Variants in TMPRSS15 observed in about 807,000 individuals in gnomAD.
TMPRSS15 encodes the protein enteropeptidase.
In TMPRSS15, 128 loss-of-function variants were observed where a neutral mutation model predicts 125.3. The ratio of observed to expected loss-of-function variants is 1.02; its 90% CI spans 0.89 to 1.18. TMPRSS15 has a LOEUF of 1.18. TMPRSS15 is among the 50% of genes most tolerant of loss of function. The pLI is 0.00. For synonymous variants in TMPRSS15, 446 were observed against 423.2 expected, an observed-to-expected ratio of 1.05 and a Z score of -0.66; for missense variants, 1,283 against 1,212.7, an observed-to-expected ratio of 1.06 and a Z score of -0.86.
At chr21:18,440,875 G>A (rs2076239884) in intron 1 of TMPRSS15, among the ~76,000 whole-genome samples, 1 of 152,120 alleles carries the variant, frequency 6.6e-6, no homozygotes, top group African/African-American at 2.4e-5. Context: ...ATAGTTGTTG[G>A]ACTTTTTCTG....
In TMPRSS15 at chr21:18,315,534, CA is replaced by C. The variant is rs2075155630; in HGVS notation, c.1922-279del. Among the ~76,000 whole-genome samples, 4 of 5,298 alleles carry C rather than the reference CA, an allele frequency of 7.6e-4. 1 individual carries two copies. The highest frequency in any genetic ancestry group is 1.8e-3 in the African/African-American group (4 of 2,240). The allele number at this position is 5,298 out of a possible 152,430, so 3.5% of individuals were successfully genotyped here. On this transcript the variant is annotated intron_variant, in intron 16 of 24. Coordinates refer to ENST00000284885, the MANE Select transcript of TMPRSS15 (RefSeq NM_002772.3). ...AATAATAAACATGAGTCCTTTGCCACAGCTCAAGGTGGAGCTAGCTTTGATA... is the reference window on the plus strand; with the variant it reads ...AATAATAAACATGAGTCCTTTGCCACGCTCAAGGTGGAGCTAGCTTTGATA...
chr21:18,364,992 GT>G, intron 7 of TMPRSS15, 147 bp downstream of exon 7: 1 of 681,412 alleles, frequency 1.5e-6, no homozygotes, highest in South Asian at 1.8e-5. Context: ...TGATAGTATA[GT>G]TTTTTGTACA....
chr21:18,314,700 A>G (rs184442859), intron 17 of TMPRSS15, among the ~76,000 whole-genome samples: 2,441 of 152,260 alleles, frequency 0.016, 68 homozygotes, highest in African/African-American at 0.056. Flanking sequence ...TCCATTACTC[A>G]TAATGTTATT....
chr21:18,470,362 A>C (rs971393322), intron 1 of TMPRSS15, among the ~76,000 whole-genome samples: 1 of 152,020 alleles, frequency 6.6e-6, no homozygotes, highest in Non-Finnish European at 1.5e-5. Flanking sequence ...CTGTCCTTGC[A>C]AACTGTCAAG....
chr21:18,432,657 C>T (rs986788020), intron 1 of TMPRSS15, among the ~76,000 whole-genome samples: 1 of 152,118 alleles, frequency 6.6e-6, no homozygotes, highest in Non-Finnish European at 1.5e-5. Flanking sequence ...TACCAGGAGT[C>T]GGGAGAGTCA....
chr21:18,381,942 A>G (rs900937506), intron 4 of TMPRSS15, among the ~76,000 whole-genome samples: 1 of 152,150 alleles, frequency 6.6e-6, no homozygotes, highest in Admixed American at 6.6e-5. Flanking sequence ...AAGTTTACCT[A>G]TATAACAAAC....
intron 5 of TMPRSS15, among the ~76,000 whole-genome samples, chr21:18,378,718 GA>G (rs1476194888): frequency 3.9e-5 from 6 of 152,026 alleles, no homozygotes; most frequent in Non-Finnish European, 5.9e-5. Flanking sequence ...TATGACCAGA[GA>G]AGGTATTTTA....
At chr21:18,361,216 A>G (rs1185073510) in intron 7 of TMPRSS15, among the ~76,000 whole-genome samples, 4 of 152,132 alleles carry the variant, frequency 2.6e-5, no homozygotes, top group African/African-American at 7.2e-5. Flanking sequence ...TGGAACCTCT[A>G]TTTACAACTC....
chr21:18,270,318 T>TAAC (rs1294910301), intron 24 of TMPRSS15, among the ~76,000 whole-genome samples, 194 bp from the exon 25 acceptor site: 4 of 152,204 alleles, frequency 2.6e-5, no homozygotes, highest in Non-Finnish European at 5.9e-5. Flanking sequence ...AGAGAAACTA[T>TAAC]AACAACTAAG....
At chr21:18,388,271 C>T (rs1301682950) in intron 3 of TMPRSS15, among the ~76,000 whole-genome samples, 2 of 152,126 alleles carry the variant, frequency 1.3e-5, no homozygotes, top group African/African-American at 2.4e-5. Flanking sequence ...GGGCACGGTA[C>T]TGGCCTCCTA....
chr21:18,409,409 GT>G (rs2091111127), intron 1 of TMPRSS15, among the ~76,000 whole-genome samples: 1 of 151,696 alleles, frequency 6.6e-6, no homozygotes, highest in Non-Finnish European at 1.5e-5. Flanking sequence ...CTTTTTTTGT[GT>G]TTTTGTTGTT....
At position 18,326,417 on chromosome 21, in the gene TMPRSS15, T is replaced by C. The variant is rs1358207152; in HGVS notation, c.1921+15A>G. 6.2e-7 allele frequency: 1 copy of C among 1,614,122 alleles called. No individual in the cohort carries two copies. ...CCAAAAGTTATGATGCAATGTGTGATTTATGGGCTCCTACCTGGAATCCCC... is the reference window on the plus strand; with the variant it reads ...CCAAAAGTTATGATGCAATGTGTGACTTATGGGCTCCTACCTGGAATCCCC... On this transcript the variant is annotated intron_variant, in intron 16 of 24. Transcript: ENST00000284885.
intron 1 of TMPRSS15, among the ~76,000 whole-genome samples, chr21:18,413,478 C>T (rs1224332645): frequency 2.0e-5 from 3 of 149,698 alleles, no homozygotes; most frequent in Non-Finnish European, 3.0e-5. Flanking sequence ...AGTGCAGTGG[C>T]TTGGTCTCGG....
intron 6 of TMPRSS15, among the ~76,000 whole-genome samples, chr21:18,369,355 T>G (rs551223381): frequency 2.0e-5 from 3 of 152,310 alleles, no homozygotes; most frequent in African/African-American, 7.2e-5. Flanking sequence ...ATACAAACTA[T>G]GAGAACACTT....
At chr21:18,388,301 A>C (rs2075962824) in intron 3 of TMPRSS15, among the ~76,000 whole-genome samples, 2 of 152,156 alleles carry the variant, frequency 1.3e-5, no homozygotes. Flanking sequence ...AAAGGAGGGG[A>C]AACAAACAAT....
chr21:18,415,148 C>A (rs1208273287), intron 1 of TMPRSS15, among the ~76,000 whole-genome samples: 1 of 152,044 alleles, frequency 6.6e-6, no homozygotes, highest in Non-Finnish European at 1.5e-5. Flanking sequence ...CTGGCCATTT[C>A]TGTGTCTTCT....
At chr21:18,446,760 C>A (rs891072323) in intron 1 of TMPRSS15, among the ~76,000 whole-genome samples, 2 of 152,138 alleles carry the variant, frequency 1.3e-5, no homozygotes, top group Non-Finnish European at 2.9e-5. Context: ...TAAAACTAAA[C>A]TTCTATCTCT....
intron 1 of TMPRSS15, among the ~76,000 whole-genome samples, chr21:18,409,663 T>G (rs2076160453): frequency 6.6e-6 from 1 of 152,298 alleles, no homozygotes; most frequent in East Asian, 1.9e-4. Context: ...TCTTTCTATT[T>G]TATTCAAATT....
intron 17 of TMPRSS15, among the ~76,000 whole-genome samples, chr21:18,314,303 A>C (rs866691997): frequency 3.3e-5 from 5 of 151,842 alleles, no homozygotes; most frequent in Non-Finnish European, 1.5e-5. Flanking sequence ...TTTGAGATGG[A>C]GTTTCGCTCT....
Sources: allele counts gnomAD v4.1 joint callset (sites outside exome capture counted in the v4.1 genomes callset), GRCh38; gene constraint gnomAD v4.1.1; transcripts MANE v1.5; gene names NCBI Gene and HGNC (gene_info 2026-07-23, HGNC 2026-07-21).